Variants in MAD1L1 observed in about 807,000 individuals in gnomAD.
MAD1L1 encodes the protein mitotic arrest deficient 1 like 1.
A neutral mutation model predicts 96.9 loss-of-function variants in MAD1L1; 95 were observed. That is an observed-to-expected ratio of 0.98 (90% confidence interval 0.83 to 1.16). The LOEUF is 1.16. MAD1L1 is among the 50% of genes most tolerant of loss of function. The probability of loss-of-function intolerance (pLI) is 0.00; values close to 1 mark genes in which losing one functional copy is unlikely to be tolerated. For synonymous variants in MAD1L1, 473 were observed against 396.6 expected (o/e 1.19, Z -2.29); for missense variants, 1,007 against 954.4 (o/e 1.06, Z -0.73).
At chr7:2,025,928 TA>T (rs148902546) in intron 12 of MAD1L1, among the ~76,000 whole-genome samples, 1 of 152,116 alleles carries the variant, frequency 6.6e-6, no homozygotes, top group Non-Finnish European at 1.5e-5. Context: ...GATGTTTTCA[TA>T]AAAAACGAAT....
At chr7:2,028,579 G>A (rs1783085016) in intron 12 of MAD1L1, among the ~76,000 whole-genome samples, 1 of 152,164 alleles carries the variant, frequency 6.6e-6, no homozygotes, top group Admixed American at 6.5e-5. Flanking sequence ...AGGTTGAGCT[G>A]TAAAATCTAC....
chr7:1,869,728 C>A (rs1044308254), intron 18 of MAD1L1, among the ~76,000 whole-genome samples: 17 of 152,172 alleles, frequency 1.1e-4, no homozygotes, highest in African/African-American at 4.1e-4. Flanking sequence ...TTGAGGGGGC[C>A]GAGGACCACA....
chr7:2,027,443 A>G (rs1268015123), intron 12 of MAD1L1, among the ~76,000 whole-genome samples: 1 of 152,234 alleles, frequency 6.6e-6, no homozygotes, highest in African/African-American at 2.4e-5. Flanking sequence ...ATGCAGATGC[A>G]AAATCCCTAA....
chr7:1,817,737 G>GT (rs1185711980), intron 18 of MAD1L1, among the ~76,000 whole-genome samples: 1 of 152,122 alleles, frequency 6.6e-6, no homozygotes, highest in Admixed American at 6.5e-5. Context: ...TCAGGAAACC[G>GT]TTTTGGAAAG....
At chr7:2,209,284 C>T (rs1792766667) in intron 10 of MAD1L1, among the ~76,000 whole-genome samples, 1 of 152,204 alleles carries the variant, frequency 6.6e-6, no homozygotes, top group Non-Finnish European at 1.5e-5. Context: ...CCACTCTCTC[C>T]TGGGGCTCAG....
intron 18 of MAD1L1, among the ~76,000 whole-genome samples, chr7:1,883,874 T>G (rs1191629582): frequency 1.3e-5 from 2 of 152,188 alleles, no homozygotes; most frequent in Non-Finnish European, 2.9e-5. Flanking sequence ...CGAGCGAAGC[T>G]GACTCTGACC....
At chr7:1,837,246 G>T (rs1461633335) in intron 18 of MAD1L1, among the ~76,000 whole-genome samples, 1 of 152,184 alleles carries the variant, frequency 6.6e-6, no homozygotes, top group South Asian at 2.1e-4. Flanking sequence ...AATTAAAACC[G>T]CAATGAGACG....
chr7:2,150,886 C>T (rs558067236), intron 10 of MAD1L1, among the ~76,000 whole-genome samples: 6 of 152,326 alleles, frequency 3.9e-5, no homozygotes, highest in Admixed American at 1.3e-4. Context: ...GTGGGGACAG[C>T]GATGGGTGCA....
intron 15 of MAD1L1, among the ~76,000 whole-genome samples, chr7:1,960,115 C>A (rs1349335773): frequency 6.6e-6 from 1 of 151,810 alleles, no homozygotes; most frequent in Admixed American, 6.6e-5. Context: ...TGAAGGTAGG[C>A]TGTGGTAAGT....
At chr7:1,946,899 G>A (rs1217718997) in intron 16 of MAD1L1, among the ~76,000 whole-genome samples, 4 of 152,340 alleles carry the variant, frequency 2.6e-5, no homozygotes, top group East Asian at 1.9e-4. Context: ...CGGCCTCGAC[G>A]GCCCGTTTCT....
At chr7:1,829,013 G>A (rs1428117998) in intron 18 of MAD1L1, among the ~76,000 whole-genome samples, 1 of 152,156 alleles carries the variant, frequency 6.6e-6, no homozygotes, top group African/African-American at 2.4e-5. Context: ...AACCGTCCGA[G>A]ATGAAACAGA....
intron 12 of MAD1L1, among the ~76,000 whole-genome samples, chr7:2,063,309 G>T (rs1487541927): frequency 6.6e-6 from 1 of 152,250 alleles, no homozygotes; most frequent in Non-Finnish European, 1.5e-5. Context: ...GGGAGTCCCT[G>T]GCTCCGCGTC....
Position 2,216,004 on chromosome 7 carries a change from C to T in MAD1L1, c.810-5G>A, listed in dbSNP as rs986067900. 6.2e-7 allele frequency: 1 copy of T among 1,613,908 alleles called. No homozygotes were observed. Among genetic ancestry groups the T allele is most frequent in the Non-Finnish European group, 8.5e-7 (1 of 1,179,872 alleles). On this transcript the variant is annotated splice_region_variant and splice_polypyrimidine_tract_variant and intron_variant, in intron 8 of 18. Coordinates refer to ENST00000265854, the MANE Select transcript of MAD1L1 (RefSeq NM_001013836.2). Reference sequence around the variant, plus strand: ...CCGTTGGTCTCTCTCATCTCCCTGGCAGTGCCACAAAGAGTCGCTCAAATA... The same window carrying T: ...CCGTTGGTCTCTCTCATCTCCCTGGTAGTGCCACAAAGAGTCGCTCAAATA...
chr7:1,943,615 C>T (rs757859063), intron 16 of MAD1L1, among the ~76,000 whole-genome samples: 26 of 152,156 alleles, frequency 1.7e-4, no homozygotes, highest in African/African-American at 2.9e-4. Flanking sequence ...CGCAACAACA[C>T]GTTGGTGAGG....
intron 10 of MAD1L1, among the ~76,000 whole-genome samples, chr7:2,206,074 G>A (rs1465534942): frequency 1.3e-5 from 2 of 152,224 alleles, no homozygotes; most frequent in East Asian, 3.8e-4. Context: ...GGAGGTTGCA[G>A]TGAGCCAAGA....
chr7:1,940,006 C>T (rs940159662), intron 16 of MAD1L1: 10 of 152,520 alleles, frequency 6.6e-5, no homozygotes, highest in African/African-American at 2.4e-4. Flanking sequence ...TAAGACATCC[C>T]CCTGACGTCA....
At chr7:1,990,676 C>A (rs1260664559) in intron 14 of MAD1L1, among the ~76,000 whole-genome samples, 1 of 152,274 alleles carries the variant, frequency 6.6e-6, no homozygotes, top group Admixed American at 6.5e-5. Flanking sequence ...CGGGGCCTCA[C>A]CACCAGGGCT....
At chr7:2,136,278 G>C (rs1788747106) in intron 11 of MAD1L1, among the ~76,000 whole-genome samples, 1 of 152,190 alleles carries the variant, frequency 6.6e-6, no homozygotes, top group Admixed American at 6.5e-5. Context: ...GAGGCAACGT[G>C]GTGAGAGGGC....
intron 3 of MAD1L1, among the ~76,000 whole-genome samples, chr7:2,226,245 C>T (rs1426503311): frequency 6.6e-6 from 1 of 152,214 alleles, no homozygotes; most frequent in Non-Finnish European, 1.5e-5. Flanking sequence ...CTGCACAATC[C>T]CACAGCAATG....
Sources: gnomAD v4.1 joint callset for allele counts (sites outside exome capture counted in the v4.1 genomes callset) on GRCh38, gnomAD v4.1.1 for gene constraint, MANE v1.5 for transcripts, NCBI Gene and HGNC (gene_info 2026-07-23, HGNC 2026-07-21) for gene names.